TEX10: variants seen among roughly 807,000 people sequenced by gnomAD.
TEX10 encodes testis expressed 10, also known as testis-expressed protein 10.
In TEX10, 24 loss-of-function variants were observed where a neutral mutation model predicts 104.4. That is an observed-to-expected ratio of 0.23 (90% CI 0.17 to 0.32). The LOEUF is 0.32. Among genes scored for constraint, TEX10 ranks in the 10% least tolerant of loss-of-function variants. TEX10 has a pLI of 1.00. For synonymous variants in TEX10, 396 were observed against 393.4 expected (o/e 1.01, Z -0.08); for missense variants, 921 against 1,083.9 (o/e 0.85, Z 2.11).
intron 4 of TEX10, among the ~76,000 whole-genome samples, chr9:100,345,066 G>T (rs1415931890): frequency 6.6e-6 from 1 of 152,102 alleles, no homozygotes; most frequent in Non-Finnish European, 1.5e-5. Context: ...ACTGCCATAT[G>T]AGAAACAAGC....
intron 5 of TEX10, 72 bp from the exon 6 acceptor site, chr9:100,330,241 A>C: frequency 8.6e-7 from 1 of 1,156,958 alleles, no homozygotes; most frequent in South Asian, 1.5e-5. Context: ...TACTTAAAAT[A>C]ATCTATCAAT....
At chr9:100,352,382 G>C (rs1382304212) in intron 1 of TEX10, 6 of 1,551,562 alleles carry the variant, frequency 3.9e-6, no homozygotes, top group Middle Eastern at 1.7e-4. Context: ...TCCCCACTCC[G>C]TATTCGGTCC....
At position 100,303,749 on chromosome 9, in the gene TEX10, C is replaced by A; in HGVS notation, c.2559G>T (p.Gly853=). The A allele has an allele frequency of 6.2e-7, 1 of 1,614,082 alleles. No individual in the cohort carries two copies. Among genetic ancestry groups the A allele is most frequent in the South Asian group, 1.1e-5 (1 of 91,056 alleles). Residue 853 remains glycine, a synonymous_variant, in exon 14 of 15, where the codon GGG becomes GGT. Coordinates refer to ENST00000374902, the MANE Select transcript of TEX10 (RefSeq NM_017746.4). Reference sequence around the variant, plus strand: ...GGCCCACAACAGGCAGCTCCTCAGGCCCAACTCTGTTCACCCGCAGGCTCT... The same window carrying A: ...GGCCCACAACAGGCAGCTCCTCAGGACCAACTCTGTTCACCCGCAGGCTCT... ...MLQSLRVNRV[G]PEELPVVGQL...
chr9:100,341,577 C>T lies in TEX10; in HGVS notation c.1138-1208G>A, dbSNP rs113291578. On this transcript the variant is annotated intron_variant, in intron 4 of 14. Transcript: ENST00000374902. ...CAGTCTGGCTGGCTTTACCTAGATCCAGCTAGTTCTCATCATTTCAACCAC... is the reference window on the plus strand; with the variant it reads ...CAGTCTGGCTGGCTTTACCTAGATCTAGCTAGTTCTCATCATTTCAACCAC... 4.8e-4 allele frequency among the ~76,000 whole-genome samples: 73 copies of T among 152,136 alleles called. 1 individual carries two copies. Among genetic ancestry groups the T allele is most frequent in the African/African-American group, 1.3e-3 (53 of 41,504 alleles).
At chr9:100,342,921 G>A (rs1374555121) in intron 4 of TEX10, among the ~76,000 whole-genome samples, 1 of 152,050 alleles carries the variant, frequency 6.6e-6, no homozygotes, top group Non-Finnish European at 1.5e-5. Context: ...GCTGAGACAG[G>A]TAGATCACGA....
chr9:100,332,941 G>A (rs1420389837), intron 5 of TEX10, among the ~76,000 whole-genome samples: 1 of 152,164 alleles, frequency 6.6e-6, no homozygotes, highest in Non-Finnish European at 1.5e-5. Context: ...ACCTTTTAGT[G>A]GCCCCACAAG....
rs766914664 is a variant in TEX10 at position 100,326,335 on chromosome 9, A to G, written c.1946T>C (p.Leu649Ser). Residue 649 changes from leucine (L) to serine (S), a missense_variant, in exon 9 of 15, where the codon TTG becomes TCG. Physicochemically the swap from Leu to Ser is moderately radical, Grantham distance 145 (BLOSUM62 -2). Coordinates refer to ENST00000374902, the MANE Select transcript of TEX10 (RefSeq NM_017746.4). The part of the protein sequence containing the change: ...CCIMGRLSSS[L>S]AAMLIGILHM... Reference sequence around the variant, plus strand: ...CAGTATCCCGATAAGCATGGCAGCCAAACTTGAACTGAGTCTTCCCATAAT... The same window carrying G: ...CAGTATCCCGATAAGCATGGCAGCCGAACTTGAACTGAGTCTTCCCATAAT... 1 of 1,613,928 alleles carries G rather than the reference A, an allele frequency of 6.2e-7. No homozygotes were observed. Among genetic ancestry groups the G allele is most frequent in the African/African-American group, 1.3e-5 (1 of 74,916 alleles).
At chr9:100,344,885 C>A (rs1835264206) in intron 4 of TEX10, among the ~76,000 whole-genome samples, 1 of 152,148 alleles carries the variant, frequency 6.6e-6, no homozygotes, top group South Asian at 2.1e-4. Context: ...ACTCAAAGTC[C>A]ATGTTGAATA....
chr9:100,308,752 GTTAA>G, intron 12 of TEX10, 71 bp from the exon 13 acceptor site: 1 of 1,321,432 alleles, frequency 7.6e-7, no homozygotes, highest in Non-Finnish European at 1.0e-6. Flanking sequence ...ACCAAAACCT[GTTAA>G]TTCACGATTA....
chr9:100,315,539 T>C (rs898841477), intron 11 of TEX10, among the ~76,000 whole-genome samples: 3 of 152,202 alleles, frequency 2.0e-5, no homozygotes, highest in Admixed American at 6.5e-5. Flanking sequence ...TTTCTCTGTA[T>C]TTTTTAAACC....
intron 14 of TEX10, 30 bp downstream of exon 14, chr9:100,303,602 C>T (rs3923501): frequency 0.53 from 854,236 of 1,609,332 alleles, 237,483 homozygotes; most frequent in East Asian, 0.91. Flanking sequence ...TATGCTAATA[C>T]TGCAAAGCCT....
At chr9:100,309,731 A>G (rs1484216513) in intron 12 of TEX10, among the ~76,000 whole-genome samples, 3 of 152,248 alleles carry the variant, frequency 2.0e-5, no homozygotes, top group African/African-American at 7.2e-5. Flanking sequence ...GTACTATAAC[A>G]CATTACAATA....
At position 100,347,070 on chromosome 9, in the gene TEX10, C is replaced by A; in HGVS notation, c.517G>T (p.Ala173Ser). 1 of 1,614,160 alleles carries A rather than the reference C, an allele frequency of 6.2e-7. No homozygotes were observed. The highest frequency in any genetic ancestry group is 2.2e-5 in the East Asian group (1 of 44,892). The change falls in exon 3 of 15, where the codon GCT becomes TCT. Residue 173 changes from alanine to serine, a missense_variant. By Grantham distance (99) the Ala-to-Ser change is moderately conservative (BLOSUM62 1). This residue lies in a region of TEX10 where 50 missense variants were observed against 104.2 expected (regional missense o/e 0.48). Coordinates refer to ENST00000374902, the MANE Select transcript of TEX10 (RefSeq NM_017746.4). ...ATGCTGCTACGGCCAGTAATTAGAG[C>A]TGGGTACTGTTCCAGCAGAATGTCC... is the stretch of plus-strand genomic sequence containing the variant. ...VLDILLEQYP[A>S]LITGRSSILL...
chr9:100,311,673 A>G (rs751114417), intron 11 of TEX10, among the ~76,000 whole-genome samples: 5 of 152,376 alleles, frequency 3.3e-5, no homozygotes, highest in Non-Finnish European at 5.9e-5. Flanking sequence ...AGAAATCTGC[A>G]CAAAAAGTAG....
At chr9:100,340,392 A>G in intron 4 of TEX10, 23 bp from the exon 5 acceptor site, 1 of 1,384,490 alleles carries the variant, frequency 7.2e-7, no homozygotes. Context: ...CAAAGATTAG[A>G]AAAATCTACA....
chr9:100,334,226 C>A (rs1834946741), intron 5 of TEX10, among the ~76,000 whole-genome samples: 1 of 150,844 alleles, frequency 6.6e-6, no homozygotes, highest in South Asian at 2.1e-4. Context: ...TGTGAAATTG[C>A]AGAAAATGAA....
Position 100,327,949 on chromosome 9 carries a change from CT to C in TEX10, c.1638del (p.Val547CysfsTer43). 6.4e-7 allele frequency: 1 copy of C among 1,569,838 alleles called. No homozygotes were observed. Among genetic ancestry groups the C allele is most frequent in the Non-Finnish European group, 8.7e-7 (1 of 1,150,950 alleles). ...AAGCCAGCCAGCCAACGGGATAACA[CT>C]TTACTACGATATCTTAGAAAGGCCA... The part of the protein sequence containing the change: ...LRSCRFRYRS[K>X]VLSRWLAGLP... On this transcript the variant is annotated frameshift_variant, in exon 8 of 15. Coordinates refer to ENST00000374902, the MANE Select transcript of TEX10 (RefSeq NM_017746.4). LOFTEE classifies it high-confidence loss of function.
At position 100,329,964 on chromosome 9, in the gene TEX10, A is replaced by G; in HGVS notation, c.1456T>C (p.Ser486Pro). ...SKQLNRLLGV[S>P]WRLMQIQPNR... ...GGCTGTATTTGCATTAACCTCCAGG[A>G]TACTCCCAGCAATCTGTTCAGTTGC... is the stretch of plus-strand genomic sequence containing the variant. The change falls in exon 6 of 15, where the codon TCC (serine) becomes CCC (proline). Residue 486 changes from serine (S) to proline (P), a missense_variant. This residue lies in a region of TEX10 where 753 missense variants were observed against 868.4 expected (regional missense o/e 0.87). Transcript: ENST00000374902. 1.2e-6 allele frequency: 2 copies of G among 1,613,736 alleles called. No homozygotes were observed. Among genetic ancestry groups the G allele is most frequent in the Non-Finnish European group, 1.7e-6 (2 of 1,179,788 alleles).
rs1588177862 is a variant in TEX10, at chr9:100,330,302, G to A, written c.1251-133C>T. 7.0e-6 allele frequency: 5 copies of A among 714,146 alleles called. No individual in the cohort carries two copies. The East Asian group carries it at 1.2e-4, about 18-fold the overall frequency. The allele number at this position is 714,146 out of a possible 1,614,324, so 44.2% of individuals were successfully genotyped here. On this transcript the variant is annotated intron_variant, in intron 5 of 14. Coordinates refer to ENST00000374902, the MANE Select transcript of TEX10 (RefSeq NM_017746.4). ...AATTAATAGATGGCCAAGAAGATAG[G>A]TGCATAGGCAAGACTTAGGCCACAG...
Sources: allele counts gnomAD v4.1 joint callset (sites outside exome capture counted in the v4.1 genomes callset), GRCh38; gene constraint gnomAD v4.1.1; regional missense constraint gnomAD v4.1.1; transcripts MANE v1.5; gene names NCBI Gene and HGNC (gene_info 2026-07-23, HGNC 2026-07-21).